The following FSTL5 variants were observed in gnomAD, a reference collection of about 807,000 sequenced individuals.
FSTL5 encodes follistatin like 5.
In FSTL5, 62 loss-of-function variants were observed where a neutral mutation model predicts 89.1. The ratio of observed to expected loss-of-function variants is 0.70; its 90% CI spans 0.57 to 0.86. FSTL5 has a LOEUF of 0.86. Ranked by LOEUF, FSTL5 falls within the 40% of genes least tolerant of loss-of-function variation. FSTL5 has a pLI of 0.00. For missense variants in FSTL5, 1,057 were observed against 1,001.6 expected, an observed-to-expected ratio of 1.06 and a Z score of -0.75; for synonymous variants, 383 against 346.2, an observed-to-expected ratio of 1.11 and a Z score of -1.18.
chr4:162,153,197 G>A lies in FSTL5; in HGVS notation c.-17+10418C>T, dbSNP rs563709518. Among the ~76,000 whole-genome samples the A allele has an allele frequency of 5.9e-5, 9 of 152,070 alleles. No homozygotes were observed. The East Asian group carries it at 1.5e-3, about 26-fold the overall frequency. On this transcript the variant is annotated intron_variant, in intron 1 of 15. Coordinates refer to ENST00000306100, the MANE Select transcript of FSTL5 (RefSeq NM_020116.5). ...TAAACTCTTTGTTAAAGTCCCTGAG[G>A]TTTACTAATGTCATGTCTTCTCAGT...
chr4:161,669,123 A>AAAAT lies in FSTL5; in HGVS notation c.728-12630_728-12629insATTT, dbSNP rs1579007999. 4.9e-4 allele frequency among the ~76,000 whole-genome samples: 71 copies of AAAAT among 144,158 alleles called. No homozygotes were observed. The East Asian group carries it at 9.1e-3, about 18-fold the overall frequency. 94.6% of individuals were successfully genotyped at this position (144,158 alleles called of 152,430 possible). On this transcript the variant is annotated intron_variant, in intron 6 of 15. Coordinates refer to ENST00000306100, the MANE Select transcript of FSTL5 (RefSeq NM_020116.5). ...TGAGACTCTGTCTCAAAAAAAAAAA[A>AAAAT]AAAATAAAATAAAATAAAAGAAAAA... is the stretch of plus-strand genomic sequence containing the variant.
At chr4:161,752,852 T>C (rs549967887) in intron 6 of FSTL5, among the ~76,000 whole-genome samples, 7 of 152,240 alleles carry the variant, frequency 4.6e-5, no homozygotes, top group Admixed American at 1.3e-4. Flanking sequence ...AGGTTTTTTG[T>C]CCTTATGAGA....
chr4:161,958,802 C>G (rs1660979836), intron 3 of FSTL5, among the ~76,000 whole-genome samples: 1 of 152,130 alleles, frequency 6.6e-6, no homozygotes, highest in Non-Finnish European at 1.5e-5. Context: ...AGATTGCTAA[C>G]TTTGAAGCCA....
intron 7 of FSTL5, among the ~76,000 whole-genome samples, chr4:161,621,453 AG>A (rs1735122065): frequency 6.6e-6 from 1 of 152,202 alleles, no homozygotes; most frequent in South Asian, 2.1e-4. Context: ...CAGGAAAGCA[AG>A]AGAAATTTAA....
At chr4:161,642,636 T>A (rs1158107329) in intron 7 of FSTL5, among the ~76,000 whole-genome samples, 1 of 152,152 alleles carries the variant, frequency 6.6e-6, no homozygotes, top group East Asian at 1.9e-4. Context: ...GAGATACAAC[T>A]AAATACTTAC....
chr4:161,880,496 T>A (rs4691033), intron 4 of FSTL5, among the ~76,000 whole-genome samples: 126,675 of 151,954 alleles, frequency 0.83, 53,434 homozygotes, highest in Non-Finnish European at 0.9. Context: ...AAATTAAACT[T>A]ACTATGACCT....
At chr4:161,628,617 C>T (rs1035352701) in intron 7 of FSTL5, among the ~76,000 whole-genome samples, 7 of 152,164 alleles carry the variant, frequency 4.6e-5, no homozygotes, top group African/African-American at 7.2e-5. Context: ...TCTGAGATCA[C>T]GTTAGCCCGT....
chr4:161,619,493 AG>A (rs1735030168), intron 7 of FSTL5, among the ~76,000 whole-genome samples: 2 of 152,220 alleles, frequency 1.3e-5, no homozygotes, highest in African/African-American at 2.4e-5. Context: ...TAAATTTACA[AG>A]AAAAAAACAA....
At chr4:162,033,501 A>G (rs1737615414) in intron 3 of FSTL5, 124 bp downstream of exon 3, 1 of 587,580 alleles carries the variant, frequency 1.7e-6, no homozygotes, top group Admixed American at 3.6e-5. Flanking sequence ...GTAAAATCAC[A>G]CTGAATATTT....
chr4:162,031,432 A>G (rs1737518325), intron 3 of FSTL5, among the ~76,000 whole-genome samples: 2 of 152,218 alleles, frequency 1.3e-5, no homozygotes, highest in South Asian at 4.1e-4. Flanking sequence ...GTCATTTGCC[A>G]ATGAGTAAGC....
chr4:161,965,867 T>TTC (rs1488397452), intron 3 of FSTL5, among the ~76,000 whole-genome samples: 1 of 152,064 alleles, frequency 6.6e-6, no homozygotes, highest in African/African-American at 2.4e-5. Context: ...TTTCACCATT[T>TTC]ACCAGTAGAG....
intron 15 of FSTL5, among the ~76,000 whole-genome samples, chr4:161,451,352 C>T (rs1377577686): frequency 6.6e-6 from 1 of 152,014 alleles, no homozygotes; most frequent in Non-Finnish European, 1.5e-5. Context: ...TATGACACTG[C>T]ATGCTTATCT....
chr4:162,016,957 C>T (rs6811170), intron 3 of FSTL5, among the ~76,000 whole-genome samples: 14,729 of 152,204 alleles, frequency 0.097, 847 homozygotes, highest in Non-Finnish European at 0.13. Context: ...TGTAAATTTA[C>T]GAAGTCCTAC....
At chr4:161,625,396 A>G (rs13144558) in intron 7 of FSTL5, among the ~76,000 whole-genome samples, 151,067 of 152,212 alleles carry the variant, frequency 0.99, 74,974 homozygotes, top group Middle Eastern at 1. Context: ...TTATATTATG[A>G]TGATTGTGAT....
chr4:161,708,432 T>G (rs955087654), intron 6 of FSTL5, among the ~76,000 whole-genome samples: 1 of 151,986 alleles, frequency 6.6e-6, no homozygotes, highest in Admixed American at 6.6e-5. Flanking sequence ...CTTTAATAAA[T>G]AAAGAAATCA....
intron 3 of FSTL5, among the ~76,000 whole-genome samples, chr4:162,006,886 T>G (rs1253916647): frequency 6.6e-6 from 1 of 151,976 alleles, no homozygotes; most frequent in Admixed American, 6.6e-5. Context: ...GGAGAGGAAT[T>G]GCTCAAGTCA....
intron 7 of FSTL5, among the ~76,000 whole-genome samples, chr4:161,615,393 G>A (rs1272069984): frequency 5.4e-5 from 8 of 146,882 alleles, no homozygotes; most frequent in African/African-American, 2.0e-4. Flanking sequence ...ATGAACCAGG[G>A]AGGCGGAGCT....
At chr4:161,624,600 T>G (rs1367518224) in intron 7 of FSTL5, among the ~76,000 whole-genome samples, 1 of 151,870 alleles carries the variant, frequency 6.6e-6, no homozygotes, top group Non-Finnish European at 1.5e-5. Context: ...GATTGTAAAT[T>G]TATTATGATT....
intron 7 of FSTL5, among the ~76,000 whole-genome samples, chr4:161,593,035 G>A (rs192066428): frequency 0.015 from 2,295 of 151,876 alleles, 71 homozygotes; most frequent in South Asian, 0.14. Flanking sequence ...AGAGTTTTTT[G>A]TTCCTTGCCC....
Sources: gnomAD v4.1 joint callset for allele counts (sites outside exome capture counted in the v4.1 genomes callset) on GRCh38, gnomAD v4.1.1 for gene constraint, MANE v1.5 for transcripts, NCBI Gene and HGNC (gene_info 2026-07-23, HGNC 2026-07-21) for gene names.